The following UBIAD1 variants were observed in gnomAD, a reference collection of about 807,000 sequenced individuals.
UBIAD1 encodes the protein UbiA prenyltransferase domain containing 1, also known as ubiA prenyltransferase domain-containing protein 1.
UBIAD1 carries 12 observed loss-of-function variants against 20.1 expected under a neutral mutation model. The ratio of observed to expected loss-of-function variants is 0.60; its 90% CI spans 0.38 to 0.97. The LOEUF is 0.97. Ranked by LOEUF, UBIAD1 falls within the 50% of genes least tolerant of loss-of-function variation. UBIAD1 has a pLI of 0.00. For synonymous variants in UBIAD1, 207 were observed against 189.2 expected (o/e 1.09, Z -0.77); for missense variants, 333 against 419.5 (o/e 0.79, Z 1.80).
chr1:11,295,953 C>G (rs1295894618), downstream of UBIAD1: 1 of 152,192 alleles, frequency 6.6e-6, no homozygotes, highest in Non-Finnish European at 1.5e-5. Context: ...GAAGGACAGG[C>G]CACTCACAGC....
chr1:11,296,135 T>C (rs1157945060), downstream of UBIAD1: 1 of 152,228 alleles, frequency 6.6e-6, no homozygotes, highest in African/African-American at 2.4e-5. Flanking sequence ...ACAAGTATTA[T>C]GTTACAGGCA....
intron 1 of UBIAD1, among the ~76,000 whole-genome samples, chr1:11,274,519 G>C (rs1651929387): frequency 6.6e-6 from 1 of 151,636 alleles, no homozygotes; most frequent in African/African-American, 2.4e-5. Flanking sequence ...GGATGGTCTC[G>C]ATTTCCTGAC....
At chr1:11,296,762 C>A (rs558824242), downstream of UBIAD1, among the ~76,000 whole-genome samples, 4 of 152,188 alleles carry the variant, frequency 2.6e-5, no homozygotes, top group African/African-American at 9.7e-5. Context: ...TAAAGCAATC[C>A]GCCCGCCTCA....
Position 11,288,062 on chromosome 1 carries a change from C to T in UBIAD1, c.*1931C>T, listed in dbSNP as rs1234267264. Reference sequence around the variant, plus strand: ...ACAAGGGGAAGAAAGATGACCTTCTCCCCAGTCCTTCCCAGCACCATTTTT... The same window carrying T: ...ACAAGGGGAAGAAAGATGACCTTCTTCCCAGTCCTTCCCAGCACCATTTTT... On this transcript the variant is annotated 3_prime_UTR_variant, in exon 2 of 2. Transcript: ENST00000376810. 1 of 152,388 alleles carries T rather than the reference C, an allele frequency of 6.6e-6. No homozygotes were observed. Among genetic ancestry groups the T allele is most frequent in the East Asian group, 1.9e-4 (1 of 5,190 alleles). 9.4% of individuals were successfully genotyped at this position (152,388 alleles called of 1,614,324 possible).
intron 1 of UBIAD1, among the ~76,000 whole-genome samples, chr1:11,281,059 T>C (rs1228222739): frequency 6.6e-6 from 1 of 151,254 alleles, no homozygotes; most frequent in Non-Finnish European, 1.5e-5. Context: ...CACACTGCCC[T>C]TTCTAGTCCA....
At position 11,286,638 on chromosome 1, in the gene UBIAD1, T is replaced by C. The variant is rs149223690; in HGVS notation, c.*507T>C. ...TATTCTCAGCACCTGTGTCCTGAGA[T>C]ACGCTGCCTGAGACAGAGAGAGTCC... On this transcript the variant is annotated 3_prime_UTR_variant, in exon 2 of 2. Transcript: ENST00000376810. 108 of 188,144 alleles carry C rather than the reference T, an allele frequency of 5.7e-4. 2 individuals are homozygous for C. The highest frequency in any genetic ancestry group is 2.5e-3 in the African/African-American group (104 of 42,084). 11.7% of individuals were successfully genotyped at this position (188,144 alleles called of 1,614,324 possible).
At chr1:11,280,050 G>A (rs1040965204) in intron 1 of UBIAD1, among the ~76,000 whole-genome samples, 1 of 152,218 alleles carries the variant, frequency 6.6e-6, no homozygotes, top group Non-Finnish European at 1.5e-5. Flanking sequence ...AAATCAATGA[G>A]GTGGTGTAAT....
At chr1:11,288,643 C>A (rs532270852), downstream of UBIAD1, among the ~76,000 whole-genome samples, 5 of 152,310 alleles carry the variant, frequency 3.3e-5, no homozygotes, top group Admixed American at 2.0e-4. Flanking sequence ...CATGGTGGCT[C>A]ACGCTTGTAA....
chr1:11,281,854 A>G (rs578038301), intron 1 of UBIAD1, among the ~76,000 whole-genome samples: 1 of 152,240 alleles, frequency 6.6e-6, no homozygotes, highest in East Asian at 1.9e-4. Flanking sequence ...ATGTGTATTT[A>G]TTTCAGTCTG....
chr1:11,280,264 A>C (rs1652197406), intron 1 of UBIAD1, among the ~76,000 whole-genome samples: 1 of 152,056 alleles, frequency 6.6e-6, no homozygotes, highest in African/African-American at 2.4e-5. Flanking sequence ...GGATCTACTG[A>C]AAGGTCTGTG....
downstream of UBIAD1, among the ~76,000 whole-genome samples, chr1:11,297,431 G>C (rs1638465829): frequency 6.6e-6 from 1 of 151,622 alleles, no homozygotes; most frequent in Non-Finnish European, 1.5e-5. Context: ...CATTTCTGTT[G>C]TGTATAAGCC....
At position 11,273,542 on chromosome 1, in the gene UBIAD1, C is replaced by G; in HGVS notation, c.11C>G (p.Ser4Cys). 1 of 1,612,428 alleles carries G rather than the reference C, an allele frequency of 6.2e-7. No homozygotes were observed. Among genetic ancestry groups the G allele is most frequent in the Non-Finnish European group, 8.5e-7 (1 of 1,180,026 alleles). Reference sequence around the variant, plus strand: ...CCACGTGGAGCTTCCATGGCGGCCTCTCAGGTCCTGGGGGAGAAGATTAAC... The same window carrying G: ...CCACGTGGAGCTTCCATGGCGGCCTGTCAGGTCCTGGGGGAGAAGATTAAC... MAA[S>C]QVLGEKINIL... The change falls in exon 1 of 2, where the codon TCT becomes TGT. Residue 4 changes from serine to cysteine, a missense_variant. Physicochemically the swap from Ser to Cys is moderately radical, Grantham distance 112. Around this residue, in one of 3 missense-constraint regions of UBIAD1, gnomAD observed 57 missense variants for 54.7 expected, o/e 1.04. Transcript: ENST00000376810. This position sits in a 1 kb window ranked among gnomAD's most constrained non-coding sequence, Gnocchi z 4.9.
At chr1:11,288,753 T>A (rs989355800), downstream of UBIAD1, among the ~76,000 whole-genome samples, 1 of 151,974 alleles carries the variant, frequency 6.6e-6, no homozygotes, top group Non-Finnish European at 1.5e-5. Context: ...ACAAAAAAAA[T>A]TTTAAAAAGT....
intron 1 of UBIAD1, chr1:11,279,411 G>A (rs1249466464): frequency 6.5e-6 from 1 of 152,792 alleles, no homozygotes; most frequent in Non-Finnish European, 1.5e-5. Context: ...AATTGACTTC[G>A]TGGTTTTTTG....
downstream of UBIAD1, chr1:11,292,009 C>CT (rs554476557): frequency 0.04 from 5,812 of 145,990 alleles, 182 homozygotes; most frequent in South Asian, 0.13. Context: ...TTTCTTTTTT[C>CT]TTTTTTTTTT....
At chr1:11,278,567 A>G in intron 1 of UBIAD1, 1 of 1,167,004 alleles carries the variant, frequency 8.6e-7, no homozygotes. Context: ...CATTAACACG[A>G]GTAGAAGGTT....
downstream of UBIAD1, among the ~76,000 whole-genome samples, chr1:11,290,714 T>TA (rs1275874405): frequency 6.6e-6 from 1 of 152,172 alleles, no homozygotes; most frequent in African/African-American, 2.4e-5. Context: ...TGTGGTGGCT[T>TA]ACGCCTGTAA....
At chr1:11,281,018 C>T (rs1039907689) in intron 1 of UBIAD1, among the ~76,000 whole-genome samples, 4 of 152,010 alleles carry the variant, frequency 2.6e-5, no homozygotes, top group Admixed American at 6.6e-5. Flanking sequence ...GACCCACCCT[C>T]CTCCTTTCTT....
downstream of UBIAD1, among the ~76,000 whole-genome samples, chr1:11,289,270 G>T (rs544615299): frequency 6.6e-4 from 101 of 152,320 alleles, no homozygotes; most frequent in African/African-American, 2.3e-3. Context: ...CCTTTGCTCC[G>T]CTGGATTCAA....
Sources: allele counts gnomAD v4.1 joint callset (sites outside exome capture counted in the v4.1 genomes callset), GRCh38; gene constraint gnomAD v4.1.1; regional missense constraint gnomAD v4.1.1; non-coding constraint Gnocchi (gnomAD v3.1); transcripts MANE v1.5; gene names NCBI Gene and HGNC (gene_info 2026-07-23, HGNC 2026-07-21).